Variants in CCDC93 observed in about 807,000 individuals in gnomAD.
The protein encoded by CCDC93 is coiled-coil domain-containing protein 93.
Under a neutral mutation model 108.2 loss-of-function variants are expected in CCDC93, and 61 were observed. The ratio of observed to expected loss-of-function variants is 0.56; its 90% CI spans 0.46 to 0.70. CCDC93 has a LOEUF of 0.70. Ranked by LOEUF, CCDC93 falls within the 30% of genes least tolerant of loss-of-function variation. CCDC93 has a pLI of 0.00. For synonymous variants in CCDC93, 276 were observed against 260.4 expected (o/e 1.06, Z -0.58); for missense variants, 685 against 764.2 (o/e 0.90, Z 1.22).
chr2:117,972,608 ATT>A (rs34350545), intron 11 of CCDC93, among the ~76,000 whole-genome samples: 1 of 145,470 alleles, frequency 6.9e-6, no homozygotes, highest in Non-Finnish European at 1.5e-5. Context: ...TCCAGTTGTC[ATT>A]TTTTTTTTTT....
chr2:117,937,404 T>C (rs1678558571), intron 20 of CCDC93, among the ~76,000 whole-genome samples: 1 of 152,214 alleles, frequency 6.6e-6, no homozygotes, highest in Admixed American at 6.5e-5. Flanking sequence ...ACTAAGTAAT[T>C]ACCATATGTG....
Position 117,931,114 on chromosome 2 carries a change from C to G in CCDC93, c.1765G>C (p.Asp589His). The G allele has an allele frequency of 6.2e-7, 1 of 1,613,904 alleles. No homozygotes were observed. The highest frequency in any genetic ancestry group is 8.5e-7 in the Non-Finnish European group (1 of 1,179,838). ...KKKQENKMRR[D>H]QLNDQYLELL... ...TCCAAGTACTGGTCGTTCAACTGGT[C>G]TCTTCTCATTTTGTTCTCTTGCTTT... The change falls in exon 23 of 24, where the codon GAC (aspartate) becomes CAC (histidine). Residue 589 changes from aspartate to histidine, a missense_variant. By Grantham distance (81) the Asp-to-His change is moderately conservative (BLOSUM62 -1). Transcript: ENST00000376300.
intron 14 of CCDC93, among the ~76,000 whole-genome samples, chr2:117,949,075 C>CA (rs1678968005): frequency 6.6e-6 from 1 of 152,084 alleles, no homozygotes; most frequent in African/African-American, 2.4e-5. Flanking sequence ...AATAGAAAAA[C>CA]AAAAAACTAT....
At chr2:117,958,814 A>T (rs1037296978) in intron 11 of CCDC93, among the ~76,000 whole-genome samples, 3 of 152,246 alleles carry the variant, frequency 2.0e-5, no homozygotes, top group Admixed American at 6.5e-5. Context: ...TAATATCTTC[A>T]TAAGACCATT....
intron 20 of CCDC93, 142 bp from the exon 21 acceptor site, chr2:117,936,881 T>A: frequency 1.6e-5 from 11 of 685,962 alleles, no homozygotes; most frequent in Admixed American, 9.7e-5. Flanking sequence ...AAGTAACATA[T>A]GAAAAAAAAA....
chr2:118,011,351 G>A (rs145793091), intron 1 of CCDC93, among the ~76,000 whole-genome samples: 109 of 152,256 alleles, frequency 7.2e-4, no homozygotes, highest in African/African-American at 2.3e-3. Context: ...AGCTACATCC[G>A]TCTCTGAAAT....
chr2:117,999,109 G>C (rs1424067350), intron 4 of CCDC93: 6 of 152,154 alleles, frequency 3.9e-5, no homozygotes, highest in African/African-American at 1.4e-4. Flanking sequence ...TCAGGTAGGT[G>C]CTATTATTTA....
intron 20 of CCDC93, 61 bp from the exon 21 acceptor site, chr2:117,936,800 C>T (rs1678542179): frequency 2.3e-6 from 3 of 1,294,468 alleles, no homozygotes; most frequent in Non-Finnish European, 3.4e-6. Flanking sequence ...CACACTACTG[C>T]AACTGCTGCA....
Position 117,952,382 on chromosome 2 carries a change from C to T in CCDC93, c.1059G>A (p.Thr353=), listed in dbSNP as rs142968515. 362 of 1,611,288 alleles carry T rather than the reference C, an allele frequency of 2.2e-4. 1 individual carries two copies. In the African/African-American group the frequency reaches 4.6e-3, roughly 20 times the overall value. ...LQARYNEAKK[T]LTELKTYSEK... ...GAATCTATCTGCTCACCTCTGTCAG[C>T]GTTTTCTTGGCTTCATTATATCTGG... is the stretch of plus-strand genomic sequence containing the variant. Residue 353 remains threonine (T), a synonymous_variant, in exon 13 of 24, where the codon ACG becomes ACA. Transcript: ENST00000376300.
chr2:118,009,799 T>C (rs771468692), intron 1 of CCDC93, among the ~76,000 whole-genome samples: 4 of 152,200 alleles, frequency 2.6e-5, no homozygotes, highest in Admixed American at 2.6e-4. Flanking sequence ...AAAACAAATA[T>C]ATGAAAGGCT....
chr2:118,005,343 T>C (rs1219262095), intron 3 of CCDC93, among the ~76,000 whole-genome samples: 1 of 151,704 alleles, frequency 6.6e-6, no homozygotes, highest in African/African-American at 2.4e-5. Context: ...ACAGAAAAAA[T>C]GCAATGAAAA....
rs1396661491 is a variant in CCDC93 at position 117,918,983 on chromosome 2, C to T, written c.*1360G>A. ...ACACATTTCTGTGGCTGCTGAATGC[C>T]CCACTTGCTTGACATGTTTAAGCTT... On this transcript the variant is annotated 3_prime_UTR_variant, in exon 24 of 24. Transcript: ENST00000376300. 6.6e-6 allele frequency: 1 copy of T among 152,190 alleles called. No homozygotes were observed. Among genetic ancestry groups the T allele is most frequent in the East Asian group, 1.9e-4 (1 of 5,198 alleles). The allele number at this position is 152,190 out of a possible 1,614,324, so 9.4% of individuals were successfully genotyped here.
intron 20 of CCDC93, 26 bp downstream of exon 20, chr2:117,939,003 C>G: frequency 7.8e-7 from 1 of 1,281,512 alleles, no homozygotes; most frequent in Non-Finnish European, 1.1e-6. Flanking sequence ...GCTGCTTAGC[C>G]ATTTTCTTTT....
intron 7 of CCDC93, among the ~76,000 whole-genome samples, chr2:117,980,672 CT>C (rs1327341727): frequency 6.6e-6 from 1 of 152,152 alleles, no homozygotes; most frequent in Non-Finnish European, 1.5e-5. Flanking sequence ...GCTTCATTCA[CT>C]TTAAAAAAAT....
intron 11 of CCDC93, among the ~76,000 whole-genome samples, chr2:117,961,399 A>G (rs924275631): frequency 8.5e-5 from 13 of 152,232 alleles, no homozygotes; most frequent in Non-Finnish European, 1.8e-4. Flanking sequence ...ACTGGCGCAC[A>G]GTACTTATAA....
chr2:117,982,642 T>C (rs1274038771), intron 7 of CCDC93, among the ~76,000 whole-genome samples: 24 of 152,078 alleles, frequency 1.6e-4, no homozygotes, highest in Non-Finnish European at 2.9e-5. Context: ...ATTTCAGACC[T>C]TCTTGCTCTA....
intron 16 of CCDC93, among the ~76,000 whole-genome samples, chr2:117,945,788 G>A (rs1678852079): frequency 6.6e-6 from 1 of 152,172 alleles, no homozygotes; most frequent in Non-Finnish European, 1.5e-5. Context: ...TTAGGTGTCT[G>A]TCAGTTACAC....
At chr2:117,991,338 T>A (rs1224464160) in intron 6 of CCDC93, among the ~76,000 whole-genome samples, 1 of 151,840 alleles carries the variant, frequency 6.6e-6, no homozygotes, top group East Asian at 1.9e-4. Context: ...GGCATTTGAG[T>A]CTCTGGGACC....
At chr2:118,007,021 G>A (rs1330905920) in intron 2 of CCDC93, among the ~76,000 whole-genome samples, 7 of 144,034 alleles carry the variant, frequency 4.9e-5, no homozygotes, top group East Asian at 4.4e-4. Flanking sequence ...TTTCTGCAGT[G>A]ACAGAAATAT....
Sources: allele counts gnomAD v4.1 joint callset (sites outside exome capture counted in the v4.1 genomes callset), GRCh38; gene constraint gnomAD v4.1.1; transcripts MANE v1.5; gene names NCBI Gene and HGNC (gene_info 2026-07-23, HGNC 2026-07-21).